TAF2: variants seen among roughly 807,000 people sequenced by gnomAD.
TAF2 encodes the protein TATA-box binding protein associated factor 2, also known as transcription initiation factor TFIID subunit 2.
A neutral mutation model predicts 138.5 loss-of-function variants in TAF2; 61 were observed. That is an observed-to-expected ratio of 0.44 (90% CI 0.36 to 0.54). The LOEUF (loss-of-function observed/expected upper bound fraction) is 0.54. Among genes scored for constraint, TAF2 ranks in the 20% least tolerant of loss-of-function variants. The pLI, the probability that TAF2 is intolerant of heterozygous loss-of-function variation, is 0.00. For synonymous variants in TAF2, 475 were observed against 469.9 expected, an observed-to-expected ratio of 1.01 and a Z score of -0.14; for missense variants, 1,090 against 1,427.9, an observed-to-expected ratio of 0.76 and a Z score of 3.81.
chr8:119,827,819 C>A (rs931094723), intron 2 of TAF2, among the ~76,000 whole-genome samples: 1 of 151,326 alleles, frequency 6.6e-6, no homozygotes, highest in African/African-American at 2.4e-5. Flanking sequence ...TCTCGGCTCA[C>A]TGCAACCTCT....
chr8:119,749,288 A>T (rs1820188177), intron 22 of TAF2, among the ~76,000 whole-genome samples: 1 of 152,102 alleles, frequency 6.6e-6, no homozygotes, highest in Non-Finnish European at 1.5e-5. Flanking sequence ...GTTTTGCTAG[A>T]CCTTTAATTT....
At chr8:119,819,617 A>G in intron 2 of TAF2, 111 bp from the exon 3 acceptor site, 1 of 818,220 alleles carries the variant, frequency 1.2e-6, no homozygotes, top group South Asian at 1.4e-5. Flanking sequence ...CAAAATCCCT[A>G]ATAGCTACAT....
intron 18 of TAF2, among the ~76,000 whole-genome samples, chr8:119,773,205 A>G (rs1212285971): frequency 6.6e-6 from 1 of 151,362 alleles, no homozygotes; most frequent in Non-Finnish European, 1.5e-5. Context: ...CAATTACCTA[A>G]TAAGTAGATT....
At chr8:119,810,204 C>T (rs1420565223) in intron 3 of TAF2, among the ~76,000 whole-genome samples, 1 of 151,934 alleles carries the variant, frequency 6.6e-6, no homozygotes, top group Admixed American at 6.6e-5. Flanking sequence ...CTATCATCCC[C>T]AAAAAGTCCC....
chr8:119,789,533 C>T, intron 12 of TAF2, 59 bp downstream of exon 12: 1 of 1,597,918 alleles, frequency 6.3e-7, no homozygotes, highest in Non-Finnish European at 8.5e-7. Context: ...TCCATCTTCC[C>T]CTTGCACACA....
chr8:119,762,482 C>T lies in TAF2; in HGVS notation c.2491G>A (p.Glu831Lys), dbSNP rs753250426. Residue 831 changes from glutamate to lysine, a missense_variant, in exon 19 of 26, where the codon GAA becomes AAA. Glu to Lys is a moderately conservative substitution (Grantham distance 56, BLOSUM62 1). Coordinates refer to ENST00000378164, the MANE Select transcript of TAF2 (RefSeq NM_003184.4). ...ATATTCAAAAATCTGGTGATTTCTT[C>T]AAGAATGAGTCGCACATCAGGATTT... ...NLNPDVRLILEEITRFLNMEK... is the reference protein window; with the variant it reads ...NLNPDVRLILKEITRFLNMEK... The T allele has an allele frequency of 6.2e-7, 1 of 1,613,944 alleles. No individual in the cohort carries two copies. The highest frequency in any genetic ancestry group is 2.2e-5 in the East Asian group (1 of 44,828).
chr8:119,780,629 A>G (rs574151897), intron 17 of TAF2, among the ~76,000 whole-genome samples: 135 of 152,284 alleles, frequency 8.9e-4, no homozygotes, highest in Non-Finnish European at 1.6e-3. Context: ...CAAAGTTTGG[A>G]AAAATGTTTA....
At chr8:119,789,452 CA>C in intron 12 of TAF2, 139 bp downstream of exon 12, 1 of 1,022,596 alleles carries the variant, frequency 9.8e-7, no homozygotes. Context: ...CACAGTTCAT[CA>C]TTATTTCTAC....
In TAF2 at chr8:119,832,812, C is replaced by A; in HGVS notation, c.-248G>T. ...TCCTCTCCGCAAGGGCTCGAAGCTA[C>A]CATCCGCCGACATCTTGTCTGTAAC... On this transcript the variant is annotated 5_prime_UTR_variant, in exon 1 of 26. Coordinates refer to ENST00000378164, the MANE Select transcript of TAF2 (RefSeq NM_003184.4). The A allele has an allele frequency of 2.2e-6, 1 of 460,392 alleles. No homozygotes were observed. Among genetic ancestry groups the A allele is most frequent in the African/African-American group, 2.0e-5 (1 of 50,776 alleles). 28.5% of individuals were successfully genotyped at this position (460,392 alleles called of 1,614,324 possible). A position where few individuals can be genotyped will look rare whatever the true frequency, so the allele number is the denominator to read the frequency against.
intron 1 of TAF2, among the ~76,000 whole-genome samples, chr8:119,832,031 C>T (rs962168935): frequency 6.6e-6 from 1 of 152,038 alleles, no homozygotes; most frequent in African/African-American, 2.4e-5. Flanking sequence ...TCGTGGCACA[C>T]GCCTGTAATC....
chr8:119,799,999 GT>G (rs1380799524), intron 6 of TAF2, among the ~76,000 whole-genome samples: 1 of 152,058 alleles, frequency 6.6e-6, no homozygotes. Flanking sequence ...TGATGGGGTT[GT>G]TTTTTTCTTG....
chr8:119,782,924 C>T (rs1034446421), intron 16 of TAF2, among the ~76,000 whole-genome samples: 1 of 152,084 alleles, frequency 6.6e-6, no homozygotes, highest in African/African-American at 2.4e-5. Context: ...AGGAGTATCA[C>T]TCAGGCTCAA....
chr8:119,753,833 A>G (rs891773841), intron 22 of TAF2, among the ~76,000 whole-genome samples: 1 of 152,210 alleles, frequency 6.6e-6, no homozygotes, highest in Non-Finnish European at 1.5e-5. Flanking sequence ...ATCATGGTCA[A>G]GGAATCATGT....
intron 5 of TAF2, among the ~76,000 whole-genome samples, 186 bp downstream of exon 5, chr8:119,803,691 GA>G (rs142168455): frequency 2.8e-4 from 37 of 132,262 alleles, no homozygotes; most frequent in South Asian, 7.2e-4. Flanking sequence ...AAGACTGTCT[GA>G]AAAAAAAAAA....
chr8:119,731,796 T>C lies in TAF2; in HGVS notation c.*128A>G. 1 of 909,330 alleles carries C rather than the reference T, an allele frequency of 1.1e-6. No individual in the cohort carries two copies. Among genetic ancestry groups the C allele is most frequent in the East Asian group, 2.4e-5 (1 of 40,862 alleles). The allele number at this position is 909,330 out of a possible 1,614,324, so 56.3% of individuals were successfully genotyped here. On this transcript the variant is annotated 3_prime_UTR_variant, in exon 26 of 26. Coordinates refer to ENST00000378164, the MANE Select transcript of TAF2 (RefSeq NM_003184.4). The stretch of plus-strand genomic sequence containing the variant: ...ATAAATCAAATGCTTAGAACTTAAA[T>C]GAATTCAGAATTTCTGTAGGAGAGG...
At chr8:119,754,205 G>A in intron 22 of TAF2, among the ~76,000 whole-genome samples, 1 of 151,826 alleles carries the variant, frequency 6.6e-6, no homozygotes, top group Non-Finnish European at 1.5e-5. Flanking sequence ...CTGTTATTAT[G>A]AAACAGAAAA....
intron 14 of TAF2, among the ~76,000 whole-genome samples, chr8:119,786,538 G>A (rs1823022360): frequency 1.3e-5 from 2 of 152,172 alleles, no homozygotes; most frequent in South Asian, 2.1e-4. Context: ...TCATCAAGAA[G>A]GCAAGCAAAC....
At chr8:119,778,317 G>C (rs745373867) in intron 17 of TAF2, among the ~76,000 whole-genome samples, 188 bp from the exon 18 acceptor site, 20 of 152,124 alleles carry the variant, frequency 1.3e-4, no homozygotes, top group Non-Finnish European at 2.6e-4. Flanking sequence ...TAAGAGAAGA[G>C]CTGGGCAGGA....
At position 119,789,850 on chromosome 8, in the gene TAF2, CAAT is replaced by C. The variant is rs1407812517; in HGVS notation, c.1414-107_1414-105del. ...CTTTATTGTAGTCAATTATAGAAGACAATAATTTCACTATTTATTACACAGATT... is the reference window on the plus strand; with the variant it reads ...CTTTATTGTAGTCAATTATAGAAGACAATTTCACTATTTATTACACAGATT... On this transcript the variant is annotated intron_variant, in intron 11 of 25. Coordinates refer to ENST00000378164, the MANE Select transcript of TAF2 (RefSeq NM_003184.4). 9 of 1,133,566 alleles carry C rather than the reference CAAT, an allele frequency of 7.9e-6. No homozygotes were observed. The African/African-American group carries it at 1.4e-4, about 18-fold the overall frequency. 70.2% of individuals were successfully genotyped at this position (1,133,566 alleles called of 1,614,324 possible).
Sources: gnomAD v4.1 joint callset for allele counts (sites outside exome capture counted in the v4.1 genomes callset) on GRCh38, gnomAD v4.1.1 for gene constraint, MANE v1.5 for transcripts, NCBI Gene and HGNC (gene_info 2026-07-23, HGNC 2026-07-21) for gene names.